The following LAPTM5 variants were observed in gnomAD, a reference collection of about 807,000 sequenced individuals.
The protein encoded by LAPTM5 is lysosomal-associated transmembrane protein 5.
A neutral mutation model predicts 30.1 loss-of-function variants in LAPTM5; 11 were observed. The ratio of observed to expected loss-of-function variants is 0.37; its 90% confidence interval spans 0.23 to 0.60. The LOEUF is 0.60. LAPTM5 is among the 20% of genes least tolerant of loss of function. The pLI, the probability that LAPTM5 is intolerant of heterozygous loss-of-function variation, is 0.71. For synonymous variants in LAPTM5, 151 were observed against 137.9 expected, an observed-to-expected ratio of 1.10 and a Z score of -0.67; for missense variants, 324 against 332.5, an observed-to-expected ratio of 0.97 and a Z score of 0.20.
rs1274105048 is a variant in LAPTM5, at chr1:30,739,698, G to C, written c.387+111C>G. 26 of 1,296,394 alleles carry C rather than the reference G, an allele frequency of 2.0e-5. No individual in the cohort carries two copies. Among genetic ancestry groups the C allele is most frequent in the Non-Finnish European group, 2.6e-5 (25 of 974,662 alleles). The allele number at this position is 1,296,394 out of a possible 1,614,324, so 80.3% of individuals were successfully genotyped here. A position where few individuals can be genotyped will look rare whatever the true frequency, so the allele number is the denominator to read the frequency against. On this transcript the variant is annotated intron_variant, in intron 4 of 7. Transcript: ENST00000294507. The surrounding 1 kb of genome is among the most constrained non-coding windows in gnomAD (Gnocchi z 4.2). ...TGGGTCAAGACACCAGCCAGGAAGA[G>C]GGCTCCTACCCTCCCCAGCCTGAGC...
intron 1 of LAPTM5, among the ~76,000 whole-genome samples, chr1:30,753,707 T>G (rs910531937): frequency 1.3e-5 from 2 of 152,112 alleles, no homozygotes; most frequent in African/African-American, 4.8e-5. Context: ...GATGCAATCT[T>G]GGAACAGAAA....
chr1:30,737,453 T>C (rs1289988370), intron 6 of LAPTM5, 151 bp downstream of exon 6: 15 of 587,872 alleles, frequency 2.6e-5, no homozygotes, highest in Non-Finnish European at 4.5e-5. Context: ...TCAGAGGAGC[T>C]GGCATGGGAA....
intron 1 of LAPTM5, among the ~76,000 whole-genome samples, chr1:30,748,340 C>T (rs1020324439): frequency 1.3e-5 from 2 of 152,102 alleles, no homozygotes; most frequent in Admixed American, 6.5e-5. Flanking sequence ...CATATGGGTC[C>T]CAAGTGCCAG....
intron 1 of LAPTM5, among the ~76,000 whole-genome samples, chr1:30,743,728 G>A (rs1640003074): frequency 6.6e-6 from 1 of 151,050 alleles, no homozygotes; most frequent in Non-Finnish European, 1.5e-5. Context: ...CCCTGCACTG[G>A]TAACTCATGC....
intron 6 of LAPTM5, 115 bp from the exon 7 acceptor site, chr1:30,735,380 C>A (rs751273668): frequency 2.7e-5 from 22 of 806,194 alleles, no homozygotes; most frequent in Non-Finnish European, 4.4e-5. Flanking sequence ...CAGCATCCAG[C>A]TGCTCCTGCT....
At chr1:30,740,211 C>A (rs1639948461) in intron 3 of LAPTM5, among the ~76,000 whole-genome samples, 1 of 152,130 alleles carries the variant, frequency 6.6e-6, no homozygotes, top group African/African-American at 2.4e-5. Context: ...AATTTGCTCA[C>A]AAGAACCCAG....
In LAPTM5 at chr1:30,749,497, T is replaced by C. The variant is rs533548771; in HGVS notation, c.88-6948A>G. Among the ~76,000 whole-genome samples, 3 of 152,256 alleles carry C rather than the reference T, an allele frequency of 2.0e-5. No homozygotes were observed. In the East Asian group the frequency reaches 5.8e-4, roughly 29 times the overall value. The stretch of plus-strand genomic sequence containing the variant: ...GGTAAATTATACATCAAGAAAAGGT[T>C]TGCAAAAATCAAATAGAGATTGGCT... On this transcript the variant is annotated intron_variant, in intron 1 of 7. Transcript: ENST00000294507.
At chr1:30,754,588 A>T (rs1640182492) in intron 1 of LAPTM5, among the ~76,000 whole-genome samples, 1 of 152,186 alleles carries the variant, frequency 6.6e-6, no homozygotes. Context: ...TGGGCAAGTT[A>T]CTGAACTTTG....
chr1:30,738,033 C>A (rs775255797), intron 5 of LAPTM5, among the ~76,000 whole-genome samples: 22 of 152,182 alleles, frequency 1.4e-4, no homozygotes, highest in Non-Finnish European at 2.9e-4. Flanking sequence ...TGACAGGGAC[C>A]ACCTAATCCA....
chr1:30,735,069 A>G (rs1038070279), intron 7 of LAPTM5, 104 bp downstream of exon 7: 9 of 775,236 alleles, frequency 1.2e-5, no homozygotes, highest in African/African-American at 6.8e-5. Context: ...TCCAACCCTC[A>G]TCTTACAAAT....
chr1:30,752,867 C>T (rs1025046091), intron 1 of LAPTM5, among the ~76,000 whole-genome samples: 13 of 152,044 alleles, frequency 8.6e-5, no homozygotes, highest in African/African-American at 2.7e-4. Flanking sequence ...AGCGCAGTGG[C>T]GCGATCTCGG....
chr1:30,742,362 G>A lies in LAPTM5; in HGVS notation c.181+94C>T, dbSNP rs1639982719. 1.5e-5 allele frequency: 12 copies of A among 814,126 alleles called. No individual in the cohort carries two copies. The South Asian group carries it at 1.8e-4, about 12-fold the overall frequency. The allele number at this position is 814,126 out of a possible 1,614,324, so 50.4% of individuals were successfully genotyped here. ...GAGGTCATCCATCGTCCATGGAGAG[G>A]TGGCAGTGCCTCCAACACTAGCCTG... is the stretch of plus-strand genomic sequence containing the variant. On this transcript the variant is annotated intron_variant, in intron 2 of 7. Coordinates refer to ENST00000294507, the MANE Select transcript of LAPTM5 (RefSeq NM_006762.3).
chr1:30,740,367 T>G (rs947206998), intron 3 of LAPTM5, among the ~76,000 whole-genome samples: 1 of 151,572 alleles, frequency 6.6e-6, no homozygotes, highest in African/African-American at 2.4e-5. Flanking sequence ...AAGACCAACA[T>G]GAGTGAAGGC....
intron 3 of LAPTM5, among the ~76,000 whole-genome samples, chr1:30,740,405 C>G (rs1227761118): frequency 6.9e-6 from 1 of 145,916 alleles, no homozygotes; most frequent in Non-Finnish European, 1.5e-5. Context: ...CCCCTCCCCC[C>G]CACCCCCCAC....
At position 30,735,176 on chromosome 1, in the gene LAPTM5, C is replaced by G; in HGVS notation, c.696G>C (p.Gln232His). The G allele has an allele frequency of 6.2e-7, 1 of 1,612,958 alleles. No individual in the cohort carries two copies. Among genetic ancestry groups the G allele is most frequent in the Non-Finnish European group, 8.5e-7 (1 of 1,179,130 alleles). Residue 232 changes from glutamine (Q) to histidine (H), a missense_variant, in exon 7 of 8, where the codon CAG becomes CAC. Transcript: ENST00000294507. ...ACCCACCTGCAGCCACACTCACCTT[C>G]TGGAGCATCTTGGAGTTTCTCTTCT... Reference protein sequence around the residue: ...VEEKRNSKMLQKVVLPSYEEA... With the variant: ...VEEKRNSKMLHKVVLPSYEEA...
intron 1 of LAPTM5, among the ~76,000 whole-genome samples, chr1:30,743,328 C>G (rs1291268836): frequency 2.0e-5 from 3 of 151,696 alleles, no homozygotes; most frequent in African/African-American, 7.3e-5. Context: ...AATGAATGAA[C>G]AAATGAACCC....
intron 1 of LAPTM5, among the ~76,000 whole-genome samples, chr1:30,745,436 C>T (rs1029890171): frequency 6.6e-6 from 1 of 152,138 alleles, no homozygotes; most frequent in Non-Finnish European, 1.5e-5. Context: ...TGCAGTCCCC[C>T]CTCCCTCCCC....
intron 1 of LAPTM5, among the ~76,000 whole-genome samples, chr1:30,750,046 A>G (rs1640110224): frequency 6.6e-6 from 1 of 152,220 alleles, no homozygotes; most frequent in African/African-American, 2.4e-5. Context: ...TGTCACCTGC[A>G]GCACAGGAAG....
chr1:30,741,717 C>G lies in LAPTM5; in HGVS notation c.182-1G>C. The G allele has an allele frequency of 6.2e-7, 1 of 1,603,884 alleles. No homozygotes were observed. Among genetic ancestry groups the G allele is most frequent in the Non-Finnish European group, 8.5e-7 (1 of 1,174,994 alleles). ...AGCAGGAAGCTGGAGATCAGGTCAG[C>G]TGAAAGGCAAGGAGAGCAGGGAGGT... is the stretch of plus-strand genomic sequence containing the variant. On this transcript the variant is annotated splice_acceptor_variant, in intron 2 of 7. Coordinates refer to ENST00000294507, the MANE Select transcript of LAPTM5 (RefSeq NM_006762.3). LOFTEE classifies it high-confidence loss of function.
Sources: allele counts gnomAD v4.1 joint callset (sites outside exome capture counted in the v4.1 genomes callset), GRCh38; gene constraint gnomAD v4.1.1; non-coding constraint Gnocchi (gnomAD v3.1); transcripts MANE v1.5; gene names NCBI Gene and HGNC (gene_info 2026-07-23, HGNC 2026-07-21).